PXDNL: variants seen among roughly 807,000 people sequenced by gnomAD.
The protein encoded by PXDNL is probable oxidoreductase PXDNL.
Under a neutral mutation model 150.8 loss-of-function variants are expected in PXDNL, and 145 were observed. The observed-to-expected ratio is 0.96, with a 90% confidence interval of 0.84 to 1.10. The LOEUF (loss-of-function observed/expected upper bound fraction) is 1.10, where lower values mean the gene tolerates loss of function less well. Ranked by LOEUF, PXDNL falls within the 50% of genes least tolerant of loss-of-function variation. The pLI, the probability that PXDNL is intolerant of heterozygous loss-of-function variation, is 0.00. For missense variants in PXDNL, 2,087 were observed against 1,873.9 expected, an observed-to-expected ratio of 1.11 and a Z score of -2.10; for synonymous variants, 757 against 725.7, an observed-to-expected ratio of 1.04 and a Z score of -0.69.
At chr8:51,363,437 C>T (rs541807782) in intron 19 of PXDNL, among the ~76,000 whole-genome samples, 3 of 152,164 alleles carry the variant, frequency 2.0e-5, no homozygotes, top group Non-Finnish European at 2.9e-5. Flanking sequence ...CAATTCCTGT[C>T]TCTCTTAAGG....
chr8:51,757,484 T>C (rs2037114790), intron 1 of PXDNL, among the ~76,000 whole-genome samples: 1 of 152,222 alleles, frequency 6.6e-6, no homozygotes, highest in Admixed American at 6.5e-5. Flanking sequence ...GGAACACTTT[T>C]GTGATTTATT....
chr8:51,808,119 C>T (rs1397254716), intron 1 of PXDNL, among the ~76,000 whole-genome samples: 1 of 152,136 alleles, frequency 6.6e-6, no homozygotes, highest in Admixed American at 6.5e-5. Context: ...ATTACCAAGT[C>T]CTCATTTCAC....
chr8:51,374,056 C>G (rs758891443), intron 18 of PXDNL, among the ~76,000 whole-genome samples: 1 of 152,088 alleles, frequency 6.6e-6, no homozygotes, highest in Non-Finnish European at 1.5e-5. Context: ...AGAAGAGTTC[C>G]CAGTTATCTT....
intron 1 of PXDNL, among the ~76,000 whole-genome samples, chr8:51,671,600 A>C (rs2130829738): frequency 6.6e-6 from 1 of 152,306 alleles, no homozygotes; most frequent in South Asian, 2.1e-4. Context: ...CGGAAGGAAA[A>C]CCAGAAACTA....
At chr8:51,637,922 A>T (rs978699410) in intron 2 of PXDNL, among the ~76,000 whole-genome samples, 1 of 152,224 alleles carries the variant, frequency 6.6e-6, no homozygotes, top group Non-Finnish European at 1.5e-5. Context: ...AGTTGAAATG[A>T]AGGAAAAAAT....
At chr8:51,698,230 G>C (rs1274027083) in intron 1 of PXDNL, among the ~76,000 whole-genome samples, 1 of 152,204 alleles carries the variant, frequency 6.6e-6, no homozygotes, top group African/African-American at 2.4e-5. Flanking sequence ...ATGCAATGCT[G>C]TCAGATAGTA....
At chr8:51,591,176 T>G (rs1006385023) in intron 3 of PXDNL, among the ~76,000 whole-genome samples, 1 of 152,202 alleles carries the variant, frequency 6.6e-6, no homozygotes, top group Non-Finnish European at 1.5e-5. Context: ...TACAACCCCT[T>G]GATCTTGGAC....
At chr8:51,327,342 C>G (rs1183620963) in intron 21 of PXDNL, among the ~76,000 whole-genome samples, 1 of 152,174 alleles carries the variant, frequency 6.6e-6, no homozygotes, top group South Asian at 2.1e-4. Flanking sequence ...CAAGAATTAC[C>G]AAGTTATCTT....
intron 4 of PXDNL, among the ~76,000 whole-genome samples, chr8:51,545,245 T>C (rs1314976345): frequency 6.6e-6 from 1 of 152,222 alleles, no homozygotes; most frequent in Non-Finnish European, 1.5e-5. Context: ...TGCTAATTTT[T>C]ATAAGCCATC....
chr8:51,614,499 T>C, intron 2 of PXDNL, among the ~76,000 whole-genome samples: 1 of 152,206 alleles, frequency 6.6e-6, no homozygotes, highest in Admixed American at 6.5e-5. Context: ...CCATAAACTC[T>C]GGCCATGTGG....
At chr8:51,406,174 G>A (rs542564842) in intron 17 of PXDNL, among the ~76,000 whole-genome samples, 1 of 152,314 alleles carries the variant, frequency 6.6e-6, no homozygotes, top group East Asian at 1.9e-4. Context: ...CTAATTTGTG[G>A]TGAATTTACA....
intron 12 of PXDNL, among the ~76,000 whole-genome samples, chr8:51,430,504 A>G (rs1202161181): frequency 6.6e-6 from 1 of 152,166 alleles, no homozygotes; most frequent in Non-Finnish European, 1.5e-5. Context: ...GAACCAACCA[A>G]TCAGAACTCA....
intron 1 of PXDNL, among the ~76,000 whole-genome samples, chr8:51,790,881 T>C (rs4500071): frequency 0.96 from 118,881 of 124,078 alleles, 57,121 homozygotes; most frequent in East Asian, 1. Context: ...TGATCATTTT[T>C]GTAATCTTTG....
intron 1 of PXDNL, among the ~76,000 whole-genome samples, chr8:51,712,405 T>A (rs1816520446): frequency 6.6e-6 from 1 of 152,230 alleles, no homozygotes; most frequent in Non-Finnish European, 1.5e-5. Flanking sequence ...TTCCTTACCA[T>A]CTGAAATACT....
intron 4 of PXDNL, among the ~76,000 whole-genome samples, chr8:51,523,461 A>G (rs909223066): frequency 1.3e-5 from 2 of 152,206 alleles, no homozygotes; most frequent in Non-Finnish European, 2.9e-5. Context: ...GTGTTCTGCT[A>G]CTAACTTATC....
intron 4 of PXDNL, among the ~76,000 whole-genome samples, chr8:51,534,906 G>A (rs1332228412): frequency 9.6e-6 from 1 of 103,808 alleles, no homozygotes; most frequent in Admixed American, 8.5e-5. Flanking sequence ...GCCTCTGCCC[G>A]GCCGCCCCTA....
chr8:51,440,668 A>T (rs942339958), intron 12 of PXDNL, among the ~76,000 whole-genome samples: 2 of 152,240 alleles, frequency 1.3e-5, no homozygotes, highest in Admixed American at 1.3e-4. Context: ...AAAATTAAAA[A>T]ATAGCTAAAG....
intron 3 of PXDNL, among the ~76,000 whole-genome samples, chr8:51,581,987 G>C (rs1813221215): frequency 1.3e-5 from 2 of 151,966 alleles, no homozygotes; most frequent in South Asian, 4.2e-4. Flanking sequence ...GAATATATTA[G>C]GATTTTTTTA....
rs192666094 is a variant in PXDNL at position 51,628,014 on chromosome 8, A to G, written c.236+26675T>C. 9.5e-4 allele frequency among the ~76,000 whole-genome samples: 144 copies of G among 152,326 alleles called. 1 individual carries two copies. Among genetic ancestry groups the G allele is most frequent in the Non-Finnish European group, 1.7e-3 (119 of 68,026 alleles). ...AAAAACAACTCAGGGACATGTGGGCACAAGATTATAGTGTAGGCAAATAAC... is the reference window on the plus strand; with the variant it reads ...AAAAACAACTCAGGGACATGTGGGCGCAAGATTATAGTGTAGGCAAATAAC... On this transcript the variant is annotated intron_variant, in intron 2 of 22. Coordinates refer to ENST00000356297, the MANE Select transcript of PXDNL (RefSeq NM_144651.5).
Sources: gnomAD v4.1 joint callset for allele counts (sites outside exome capture counted in the v4.1 genomes callset) on GRCh38, gnomAD v4.1.1 for gene constraint, MANE v1.5 for transcripts, NCBI Gene and HGNC (gene_info 2026-07-23, HGNC 2026-07-21) for gene names.